NTSR1: variants seen among roughly 807,000 people sequenced by gnomAD.
The protein encoded by NTSR1 is neurotensin receptor type 1.
Under a neutral mutation model 31.2 loss-of-function variants are expected in NTSR1, and 29 were observed. The observed-to-expected ratio is 0.93, with a 90% CI of 0.69 to 1.27. The LOEUF (loss-of-function observed/expected upper bound fraction) is 1.27. Among genes scored for constraint, NTSR1 ranks in the 50% most tolerant of loss-of-function variants. The pLI is 0.00. For missense variants in NTSR1, 697 were observed against 595.4 expected, an observed-to-expected ratio of 1.17 and a Z score of -1.78; for synonymous variants, 282 against 269.9, an observed-to-expected ratio of 1.04 and a Z score of -0.44.
At chr20:62,747,772 A>C (rs1020746111) in intron 1 of NTSR1, among the ~76,000 whole-genome samples, 2 of 102,902 alleles carry the variant, frequency 1.9e-5, no homozygotes, top group East Asian at 2.3e-4. Context: ...AAACAAAAAC[A>C]AAAAAAAACT....
At chr20:62,721,315 G>T (rs111337077) in intron 1 of NTSR1, among the ~76,000 whole-genome samples, 4 of 152,142 alleles carry the variant, frequency 2.6e-5, no homozygotes, top group Non-Finnish European at 2.9e-5. Context: ...CCATCCTCTG[G>T]GTCATCTTGA....
At chr20:62,755,956 C>T (rs1225585990) in intron 2 of NTSR1, among the ~76,000 whole-genome samples, 1 of 147,620 alleles carries the variant, frequency 6.8e-6, no homozygotes, top group African/African-American at 2.5e-5. Context: ...TTCCTCCCTC[C>T]CTCCATCTAT....
intron 1 of NTSR1, among the ~76,000 whole-genome samples, chr20:62,752,394 T>C (rs766279051): frequency 2.8e-5 from 4 of 141,926 alleles, no homozygotes; most frequent in African/African-American, 5.1e-5. Flanking sequence ...GCCCCAGGAG[T>C]CGGGGTGCAT....
intron 1 of NTSR1, among the ~76,000 whole-genome samples, chr20:62,751,013 C>G (rs1600734133): frequency 6.6e-6 from 1 of 152,260 alleles, no homozygotes; most frequent in East Asian, 1.9e-4. Flanking sequence ...GTAGCTGGCA[C>G]TATAGGCGTA....
Position 62,733,639 on chromosome 20 carries a change from G to A in NTSR1, c.715-21046G>A, listed in dbSNP as rs201703277. Reference sequence around the variant, plus strand: ...ATACACACATGGAGAAAAAGAGGGAGATAGAGAAGAGAGAGGGAGAGAGAA... The same window carrying A: ...ATACACACATGGAGAAAAAGAGGGAAATAGAGAAGAGAGAGGGAGAGAGAA... On this transcript the variant is annotated intron_variant, in intron 1 of 3. Coordinates refer to ENST00000370501, the MANE Select transcript of NTSR1 (RefSeq NM_002531.3). The surrounding 1 kb of genome is among the most constrained non-coding windows in gnomAD (Gnocchi z 5.2). 1.4e-4 allele frequency among the ~76,000 whole-genome samples: 15 copies of A among 107,414 alleles called. No homozygotes were observed. Among genetic ancestry groups the A allele is most frequent in the Non-Finnish European group, 2.1e-4 (12 of 55,882 alleles). The allele number at this position is 107,414 out of a possible 152,430, so 70.5% of individuals were successfully genotyped here. A position where few individuals can be genotyped will look rare whatever the true frequency, so the allele number is the denominator to read the frequency against.
intron 1 of NTSR1, among the ~76,000 whole-genome samples, chr20:62,751,741 C>T (rs528747208): frequency 6.6e-6 from 1 of 152,352 alleles, no homozygotes; most frequent in Middle Eastern, 3.4e-3. Context: ...GGGCCACATG[C>T]CAGTGGGATG....
In NTSR1 at chr20:62,738,158, C is replaced by T. The variant is rs142194537; in HGVS notation, c.715-16527C>T. On this transcript the variant is annotated intron_variant, in intron 1 of 3. Coordinates refer to ENST00000370501, the MANE Select transcript of NTSR1 (RefSeq NM_002531.3). ...AGGCTCCACGAGGCGGGCCTGGGCACGCAGTGCACGCAGAGGGTGATGGAG... is the reference window on the plus strand; with the variant it reads ...AGGCTCCACGAGGCGGGCCTGGGCATGCAGTGCACGCAGAGGGTGATGGAG... Among the ~76,000 whole-genome samples the T allele has an allele frequency of 5.0e-3, 756 of 152,306 alleles. 4 individuals carry two copies. The highest frequency in any genetic ancestry group is 0.017 in the African/African-American group (704 of 41,546).
At chr20:62,717,771 C>T (rs1988758419) in intron 1 of NTSR1, among the ~76,000 whole-genome samples, 1 of 149,906 alleles carries the variant, frequency 6.7e-6, no homozygotes, top group South Asian at 2.2e-4. Context: ...TCACTGAACA[C>T]CTACCACATG....
chr20:62,718,226 G>A (rs1048830538), intron 1 of NTSR1, among the ~76,000 whole-genome samples: 1 of 152,132 alleles, frequency 6.6e-6, no homozygotes, highest in South Asian at 2.1e-4. Flanking sequence ...GAGCCGCCAC[G>A]TGACTTACAC....
chr20:62,747,946 C>A (rs968272380), intron 1 of NTSR1, among the ~76,000 whole-genome samples: 1 of 152,144 alleles, frequency 6.6e-6, no homozygotes, highest in African/African-American at 2.4e-5. Context: ...GAGCCCGAGG[C>A]GGGTGGATCA....
chr20:62,756,425 C>A (rs997328968), intron 2 of NTSR1, among the ~76,000 whole-genome samples: 1 of 152,264 alleles, frequency 6.6e-6, no homozygotes, highest in Non-Finnish European at 1.5e-5. Flanking sequence ...GAGAATGAAG[C>A]CCTTTCATGC....
At chr20:62,730,052 ATTTT>A (rs1238666932) in intron 1 of NTSR1, among the ~76,000 whole-genome samples, 3 of 152,140 alleles carry the variant, frequency 2.0e-5, no homozygotes, top group Non-Finnish European at 4.4e-5. Flanking sequence ...TGTTATTAAC[ATTTT>A]GCATTAGTGT....
rs371325601 is a variant in NTSR1 at position 62,760,013 on chromosome 20, C to G, written c.1008-5C>G. ...TGGGATCTGAGCGCCTCTCTCTCCC[C>G]GCAGGTTCCTCTATGACTTCTACCA... On this transcript the variant is annotated splice_region_variant and splice_polypyrimidine_tract_variant and intron_variant, in intron 3 of 3. Transcript: ENST00000370501. 6.2e-7 allele frequency: 1 copy of G among 1,613,246 alleles called. No individual in the cohort carries two copies. The highest frequency in any genetic ancestry group is 1.3e-5 in the African/African-American group (1 of 74,916).
At position 62,745,420 on chromosome 20, in the gene NTSR1, CAGAG is replaced by C. The variant is rs796444636; in HGVS notation, c.715-9259_715-9256del. 7.3e-4 allele frequency among the ~76,000 whole-genome samples: 111 copies of C among 151,426 alleles called. 1 individual carries two copies. Among genetic ancestry groups the C allele is most frequent in the African/African-American group, 2.1e-3 (88 of 41,214 alleles). The stretch of plus-strand genomic sequence containing the variant: ...AGAGACACAGACTCAGGAAAACAGA[CAGAG>C]AGAGACACAGGAGAACAGAGACACA... On this transcript the variant is annotated intron_variant, in intron 1 of 3. Coordinates refer to ENST00000370501, the MANE Select transcript of NTSR1 (RefSeq NM_002531.3). This position sits in a 1 kb window ranked among gnomAD's most constrained non-coding sequence, Gnocchi z 4.1.
chr20:62,726,909 G>C (rs1988916299), intron 1 of NTSR1, among the ~76,000 whole-genome samples: 1 of 152,184 alleles, frequency 6.6e-6, no homozygotes, highest in African/African-American at 2.4e-5. Context: ...ATCCACACTG[G>C]GATGGTTTTG....
chr20:62,715,971 A>G lies in NTSR1; in HGVS notation c.714+6050A>G, dbSNP rs1411947426. On this transcript the variant is annotated intron_variant, in intron 1 of 3. Coordinates refer to ENST00000370501, the MANE Select transcript of NTSR1 (RefSeq NM_002531.3). This position sits in a 1 kb window ranked among gnomAD's most constrained non-coding sequence, Gnocchi z 4.7. ...AGGCTGCCTTCGTTTTTCTCAATCA[A>G]ATCTCACGTGGTGATCTAGTAGTTT... Among the ~76,000 whole-genome samples the G allele has an allele frequency of 3.3e-5, 5 of 152,082 alleles. No homozygotes were observed. Among genetic ancestry groups the G allele is most frequent in the African/African-American group, 7.2e-5 (3 of 41,400 alleles).
intron 1 of NTSR1, among the ~76,000 whole-genome samples, chr20:62,728,225 G>A (rs562408134): frequency 1.3e-4 from 20 of 152,196 alleles, no homozygotes; most frequent in Admixed American, 1.1e-3. Context: ...CCCAGCATCC[G>A]AGCCTTGATC....
intron 1 of NTSR1, among the ~76,000 whole-genome samples, chr20:62,716,411 G>C (rs183405858): frequency 1.8e-4 from 27 of 152,140 alleles, no homozygotes; most frequent in Non-Finnish European, 1.5e-4. Context: ...GAGGAAGGTC[G>C]GAGGAGGGGT....
intron 1 of NTSR1, among the ~76,000 whole-genome samples, chr20:62,729,040 C>T (rs781722559): frequency 2.8e-4 from 43 of 152,242 alleles, no homozygotes; most frequent in Admixed American, 1.4e-3. Flanking sequence ...GTCCAGTCCT[C>T]GGTCTGTGCA....
Sources: allele counts gnomAD v4.1 joint callset (sites outside exome capture counted in the v4.1 genomes callset), GRCh38; gene constraint gnomAD v4.1.1; non-coding constraint Gnocchi (gnomAD v3.1); transcripts MANE v1.5; gene names NCBI Gene and HGNC (gene_info 2026-07-23, HGNC 2026-07-21).